Variants in INSC observed in about 807,000 individuals in gnomAD.
The protein encoded by INSC is INSC spindle orientation adaptor protein, also known as protein inscuteable homolog.
Under a neutral mutation model 58.6 loss-of-function variants are expected in INSC, and 67 were observed. The ratio of observed to expected loss-of-function variants is 1.14; its 90% CI spans 0.94 to 1.40. The LOEUF (loss-of-function observed/expected upper bound fraction) is 1.40. INSC is among the 40% of genes most tolerant of loss of function. INSC has a pLI of 0.00. For missense variants in INSC, 714 were observed against 692.0 expected, an observed-to-expected ratio of 1.03 and a Z score of -0.36; for synonymous variants, 262 against 276.1, an observed-to-expected ratio of 0.95 and a Z score of 0.51.
At position 15,233,243 on chromosome 11, in the gene INSC, A is replaced by G. The variant is rs550577057; in HGVS notation, c.1171-2359A>G. ...TGCCCTTTCACTTAGGTGGAATAGAACTTAATTGAACATCATCAAACAAGA... is the reference window on the plus strand; with the variant it reads ...TGCCCTTTCACTTAGGTGGAATAGAGCTTAATTGAACATCATCAAACAAGA... On this transcript the variant is annotated intron_variant, in intron 9 of 12. Transcript: ENST00000379556. Among the ~76,000 whole-genome samples, 3 of 152,296 alleles carry G rather than the reference A, an allele frequency of 2.0e-5. No individual in the cohort carries two copies. The East Asian group carries it at 5.8e-4, about 29-fold the overall frequency.
intron 9 of INSC, among the ~76,000 whole-genome samples, chr11:15,229,942 ATAATATTATATATATAT>A (rs1851786812): frequency 1.7e-4 from 1 of 5,936 alleles, no homozygotes; most frequent in Admixed American, 4.5e-3. Flanking sequence ...TTATATATAT[ATAATATTATATATATAT>A]TTATATATAT....
chr11:15,178,881 C>T (rs1039275607), intron 5 of INSC, among the ~76,000 whole-genome samples: 1 of 152,226 alleles, frequency 6.6e-6, no homozygotes, highest in African/African-American at 2.4e-5. Context: ...CCTGATCCCC[C>T]TCTTCTCTGT....
At chr11:15,173,619 T>C (rs1225070683) in intron 2 of INSC, among the ~76,000 whole-genome samples, 2 of 152,168 alleles carry the variant, frequency 1.3e-5, no homozygotes, top group Non-Finnish European at 2.9e-5. Context: ...CATATACATA[T>C]ATGTATGTGT....
At chr11:15,257,726 C>T in the INSC span, among the ~76,000 whole-genome samples, 1 of 152,088 alleles carries the variant, frequency 6.6e-6, no homozygotes, top group Admixed American at 6.6e-5. Flanking sequence ...AGGGAGAAGA[C>T]CATGTGAAGC....
intron 9 of INSC, among the ~76,000 whole-genome samples, chr11:15,230,666 A>G (rs1477774990): frequency 1.3e-5 from 2 of 152,214 alleles, no homozygotes; most frequent in Non-Finnish European, 2.9e-5. Context: ...ACCCTTCCCT[A>G]CAAAGCCAAG....
chr11:15,171,962 G>A (rs993183652), intron 2 of INSC, among the ~76,000 whole-genome samples: 2 of 152,214 alleles, frequency 1.3e-5, no homozygotes, highest in African/African-American at 2.4e-5. Context: ...TTTTAACACA[G>A]ACTAGACATG....
chr11:15,265,218 A>G, the INSC span, among the ~76,000 whole-genome samples: 1 of 152,120 alleles, frequency 6.6e-6, no homozygotes, highest in Admixed American at 6.6e-5. Flanking sequence ...TGTTCCTTGA[A>G]TGCAAATAGA....
intron 2 of INSC, among the ~76,000 whole-genome samples, chr11:15,161,591 T>C (rs1849021603): frequency 6.6e-6 from 1 of 152,182 alleles, no homozygotes; most frequent in Non-Finnish European, 1.5e-5. Context: ...GTGTTTCTGG[T>C]ATTGCACAGA....
chr11:15,141,367 C>A (rs979492365), intron 1 of INSC, among the ~76,000 whole-genome samples: 1 of 152,050 alleles, frequency 6.6e-6, no homozygotes, highest in South Asian at 2.1e-4. Flanking sequence ...AATTGAGGGG[C>A]GGAACAAAGG....
At chr11:15,265,480 T>G in the INSC span, among the ~76,000 whole-genome samples, 10 of 151,998 alleles carry the variant, frequency 6.6e-5, no homozygotes, top group Admixed American at 5.9e-4. Flanking sequence ...ATTTAGGGAT[T>G]ATTGCACAAT....
At position 15,246,001 on chromosome 11, in the gene INSC, C is replaced by A. The variant is rs753888407; in HGVS notation, c.1560C>A (p.Ser520=). 2 of 1,614,202 alleles carry A rather than the reference C, an allele frequency of 1.2e-6. No homozygotes were observed. The highest frequency in any genetic ancestry group is 1.7e-6 in the Non-Finnish European group (2 of 1,180,026). Residue 520 remains serine (S), a synonymous_variant, in exon 13 of 13, where the codon TCC becomes TCA. Coordinates refer to ENST00000379556, the MANE Select transcript of INSC (RefSeq NM_001042536.3). ...QQLVQPRLVD[S]FLLCSNMEES... ...TGGTCCAGCCTCGGCTGGTGGACTC[C>A]TTCTTACTCTGCAGCAACATGGAGG...
chr11:15,144,381 AG>A (rs1469657857), intron 1 of INSC, among the ~76,000 whole-genome samples: 1 of 152,228 alleles, frequency 6.6e-6, no homozygotes, highest in East Asian at 1.9e-4. Context: ...GTGCTCTCTA[AG>A]GGCCTTTTCA....
intron 6 of INSC, among the ~76,000 whole-genome samples, chr11:15,195,947 C>A (rs1233030256): frequency 6.6e-6 from 1 of 152,208 alleles, no homozygotes; most frequent in African/African-American, 2.4e-5. Flanking sequence ...CATCCTATTC[C>A]ATTTTAAAAC....
chr11:15,246,266 G>C lies in INSC; in HGVS notation c.*226G>C, dbSNP rs566003631. ...ATTTTTTGATTTCTGTAGCTTTTCA[G>C]TTGCAGATGTTGAAATTCGTAATGA... On this transcript the variant is annotated 3_prime_UTR_variant, in exon 13 of 13. Transcript: ENST00000379556. The C allele has an allele frequency of 2.7e-6, 1 of 373,370 alleles. No homozygotes were observed. The highest frequency in any genetic ancestry group is 2.0e-5 in the African/African-American group (1 of 49,076). The allele number at this position is 373,370 out of a possible 1,614,324, so 23.1% of individuals were successfully genotyped here. A position where few individuals can be genotyped will look rare whatever the true frequency, so the allele number is the denominator to read the frequency against.
intron 1 of INSC, among the ~76,000 whole-genome samples, chr11:15,140,091 T>C (rs540842785): frequency 3.3e-5 from 5 of 152,274 alleles, no homozygotes; most frequent in Admixed American, 6.5e-5. Context: ...CACAAGCTCC[T>C]TCGGGGGTGC....
intron 7 of INSC, among the ~76,000 whole-genome samples, chr11:15,214,685 A>G (rs983016039): frequency 1.3e-5 from 2 of 152,196 alleles, no homozygotes; most frequent in Admixed American, 6.5e-5. Flanking sequence ...CAAGGTTCAT[A>G]TGCTGGAAAC....
chr11:15,170,602 AC>A (rs758956390), intron 2 of INSC, among the ~76,000 whole-genome samples: 14 of 152,180 alleles, frequency 9.2e-5, no homozygotes, highest in Non-Finnish European at 1.6e-4. Flanking sequence ...AAACTTGATC[AC>A]TTGGTTAAAA....
intron 1 of INSC, among the ~76,000 whole-genome samples, chr11:15,128,724 C>A (rs1848056681): frequency 6.6e-6 from 1 of 152,186 alleles, no homozygotes; most frequent in Non-Finnish European, 1.5e-5. Flanking sequence ...TGTTCTTAGT[C>A]TGGGGTAGCC....
Position 15,239,017 on chromosome 11 carries a change from A to G in INSC, c.1336A>G (p.Thr446Ala). Residue 446 changes from threonine to alanine, a missense_variant, in exon 11 of 13, where the codon ACC becomes GCC. Coordinates refer to ENST00000379556, the MANE Select transcript of INSC (RefSeq NM_001042536.3). ...CERVQQKAAV[T>A]LARLSRDPDV... ...GCGAGTCCAGCAGAAAGCTGCAGTGACCCTGGCTCGTCTCAGCCGAGACCC... is the reference window on the plus strand; with the variant it reads ...GCGAGTCCAGCAGAAAGCTGCAGTGGCCCTGGCTCGTCTCAGCCGAGACCC... 8 of 1,614,062 alleles carry G rather than the reference A, an allele frequency of 5.0e-6. No individual in the cohort carries two copies. The highest frequency in any genetic ancestry group is 6.8e-6 in the Non-Finnish European group (8 of 1,179,998).
Sources: allele counts gnomAD v4.1 joint callset (sites outside exome capture counted in the v4.1 genomes callset), GRCh38; gene constraint gnomAD v4.1.1; transcripts MANE v1.5; gene names NCBI Gene and HGNC (gene_info 2026-07-23, HGNC 2026-07-21).